The following HMCN1 variants were observed in gnomAD, a reference collection of about 807,000 sequenced individuals.
The protein encoded by HMCN1 is hemicentin-1.
In HMCN1, 321 loss-of-function variants were observed where a neutral mutation model predicts 625.9. The ratio of observed to expected loss-of-function variants is 0.51; its 90% CI spans 0.47 to 0.56. The LOEUF (loss-of-function observed/expected upper bound fraction) is 0.56, where lower values mean the gene tolerates loss of function less well. Among genes scored for constraint, HMCN1 ranks in the 20% least tolerant of loss-of-function variants. HMCN1 has a pLI of 0.00. For synonymous variants in HMCN1, 2,425 were observed against 2,417.6 expected, an observed-to-expected ratio of 1.00 and a Z score of -0.09; for missense variants, 6,588 against 6,887.3, an observed-to-expected ratio of 0.96 and a Z score of 1.54.
rs1180142384 is a variant in HMCN1, at chr1:185,736,259, C to T, written c.268+1212C>T. On this transcript the variant is annotated intron_variant, in intron 1 of 106. Transcript: ENST00000271588. ...TTCTGGGATATGTAATATATATATA[C>T]ACACACATACACATACATACATTAC... Among the ~76,000 whole-genome samples, 5 of 152,066 alleles carry T rather than the reference C, an allele frequency of 3.3e-5. No homozygotes were observed. In the East Asian group the frequency reaches 9.6e-4, roughly 29 times the overall value.
intron 1 of HMCN1, among the ~76,000 whole-genome samples, chr1:185,760,388 T>A (rs1306529384): frequency 6.6e-6 from 1 of 152,046 alleles, no homozygotes; most frequent in African/African-American, 2.4e-5. Context: ...AGAGCCCGGG[T>A]AGTTGTGAGT....
chr1:185,881,914 T>C (rs1664333183), intron 4 of HMCN1, among the ~76,000 whole-genome samples: 1 of 152,192 alleles, frequency 6.6e-6, no homozygotes, highest in Non-Finnish European at 1.5e-5. Context: ...TTTTGAGAAG[T>C]CTCTTAGTGT....
chr1:186,184,628 TA>T (rs1408239006), intron 105 of HMCN1, among the ~76,000 whole-genome samples: 1 of 152,028 alleles, frequency 6.6e-6, no homozygotes, highest in African/African-American at 2.4e-5. Context: ...ATCCGTGTTT[TA>T]AAAATGCAAT....
intron 23 of HMCN1, 48 bp downstream of exon 23, chr1:185,993,357 C>G (rs755476567): frequency 1.9e-6 from 3 of 1,604,794 alleles, no homozygotes. Flanking sequence ...ACTGGCCACA[C>G]AAAAACCCGT....
At chr1:185,798,501 T>C (rs1168751531) in intron 1 of HMCN1, among the ~76,000 whole-genome samples, 2 of 152,174 alleles carry the variant, frequency 1.3e-5, no homozygotes. Context: ...CCCTCAGGAA[T>C]ACCTCTGACT....
In HMCN1 at chr1:186,163,022, G is replaced by GAGGC. The variant is rs1284574163; in HGVS notation, c.15257-2080_15257-2077dup. Among the ~76,000 whole-genome samples, 5 of 152,364 alleles carry GAGGC rather than the reference G, an allele frequency of 3.3e-5. No individual in the cohort carries two copies. In the East Asian group the frequency reaches 9.7e-4, roughly 29 times the overall value. On this transcript the variant is annotated intron_variant, in intron 97 of 106. Coordinates refer to ENST00000271588, the MANE Select transcript of HMCN1 (RefSeq NM_031935.3). ...CCTGCCCCCAGAGGTGGAGCCTACA[G>GAGGC]AGGCAGGCAGGCGTCCTTGAGCTGT...
chr1:186,085,038 GCA>G, intron 57 of HMCN1, among the ~76,000 whole-genome samples: 1 of 152,182 alleles, frequency 6.6e-6, no homozygotes. Flanking sequence ...TACGCTACCT[GCA>G]CTTAGGTAGC....
At chr1:185,866,692 C>G (rs2102360802) in intron 4 of HMCN1, among the ~76,000 whole-genome samples, 1 of 152,186 alleles carries the variant, frequency 6.6e-6, no homozygotes, top group South Asian at 2.1e-4. Flanking sequence ...AGGCATGAGC[C>G]ACCGCGTCTG....
intron 1 of HMCN1, among the ~76,000 whole-genome samples, chr1:185,752,123 G>T (rs1654853992): frequency 6.6e-6 from 1 of 152,038 alleles, no homozygotes; most frequent in Non-Finnish European, 1.5e-5. Context: ...ACTAATTTTT[G>T]GGCTTTGGAT....
At chr1:185,770,750 C>T (rs1656187046) in intron 1 of HMCN1, among the ~76,000 whole-genome samples, 1 of 152,162 alleles carries the variant, frequency 6.6e-6, no homozygotes. Flanking sequence ...CACTTGCTTC[C>T]TCTATGGAGC....
chr1:185,880,718 T>G (rs1414131209), intron 4 of HMCN1, among the ~76,000 whole-genome samples: 2 of 152,198 alleles, frequency 1.3e-5, no homozygotes, highest in African/African-American at 4.8e-5. Context: ...ACATAATATT[T>G]GTTGAATGAA....
At chr1:186,015,718 A>G (rs571655556) in intron 31 of HMCN1, among the ~76,000 whole-genome samples, 1 of 152,268 alleles carries the variant, frequency 6.6e-6, no homozygotes, top group Admixed American at 6.6e-5. Context: ...GACAAAAATC[A>G]TTCTCTACTA....
At chr1:185,748,315 A>G (rs898022788) in intron 1 of HMCN1, among the ~76,000 whole-genome samples, 7 of 152,056 alleles carry the variant, frequency 4.6e-5, no homozygotes, top group African/African-American at 2.4e-5. Context: ...CTCCTTGATC[A>G]GATCATTACA....
intron 4 of HMCN1, among the ~76,000 whole-genome samples, chr1:185,874,082 T>A (rs1474368179): frequency 6.6e-6 from 1 of 151,950 alleles, no homozygotes; most frequent in Non-Finnish European, 1.5e-5. Context: ...CATATGAATA[T>A]TGTTTTTTTT....
intron 19 of HMCN1, 29 bp from the exon 20 acceptor site, chr1:185,987,403 C>A: frequency 7.4e-7 from 1 of 1,354,988 alleles, no homozygotes; most frequent in South Asian, 1.2e-5. Flanking sequence ...AACAGGTGCT[C>A]AGATTCCAAA....
chr1:186,003,585 T>C, intron 28 of HMCN1, 133 bp from the exon 29 acceptor site: 1 of 799,418 alleles, frequency 1.3e-6, no homozygotes. Context: ...TGAAAAAGTA[T>C]TGTTGTGTGG....
At chr1:186,030,718 G>T (rs941752397) in intron 36 of HMCN1, among the ~76,000 whole-genome samples, 1 of 151,488 alleles carries the variant, frequency 6.6e-6, no homozygotes, top group Admixed American at 6.6e-5. Flanking sequence ...GTCTGTCATT[G>T]GTTATATATT....
At chr1:185,865,389 A>G (rs1001591482) in intron 3 of HMCN1, among the ~76,000 whole-genome samples, 10 of 152,128 alleles carry the variant, frequency 6.6e-5, no homozygotes, top group Non-Finnish European at 1.3e-4. Context: ...CCTCTTTTAT[A>G]AGAAGAACTC....
At chr1:185,738,714 A>G (rs1004235888) in intron 1 of HMCN1, among the ~76,000 whole-genome samples, 25 of 152,334 alleles carry the variant, frequency 1.6e-4, no homozygotes, top group African/African-American at 5.8e-4. Flanking sequence ...CAACCTCCTC[A>G]ATACACTACT....
Sources: gnomAD v4.1 joint callset for allele counts (sites outside exome capture counted in the v4.1 genomes callset) on GRCh38, gnomAD v4.1.1 for gene constraint, MANE v1.5 for transcripts, NCBI Gene and HGNC (gene_info 2026-07-23, HGNC 2026-07-21) for gene names.